SPON1: variants seen among roughly 807,000 people sequenced by gnomAD.
SPON1 encodes spondin-1.
A neutral mutation model predicts 111.7 loss-of-function variants in SPON1; 52 were observed. The observed-to-expected ratio is 0.47, with a 90% CI of 0.37 to 0.59. SPON1 has a LOEUF of 0.59. Ranked by LOEUF, SPON1 falls within the 20% of genes least tolerant of loss-of-function variation. The pLI is 0.00. For synonymous variants in SPON1, 410 were observed against 395.8 expected (o/e 1.04, Z -0.43); for missense variants, 957 against 1,068.5 (o/e 0.90, Z 1.46).
intron 13 of SPON1, among the ~76,000 whole-genome samples, chr11:14,260,318 T>C (rs1181261755): frequency 6.6e-6 from 1 of 152,288 alleles, no homozygotes; most frequent in South Asian, 2.1e-4. Flanking sequence ...GTGGCCTTTC[T>C]AGTGGGGACT....
chr11:14,139,722 A>ATT (rs1420290993), intron 6 of SPON1, among the ~76,000 whole-genome samples: 3 of 150,982 alleles, frequency 2.0e-5, no homozygotes, highest in African/African-American at 7.3e-5. Context: ...ATATATATAT[A>ATT]TATTTAAGTG....
chr11:14,153,379 G>T (rs1847809073), intron 6 of SPON1, among the ~76,000 whole-genome samples: 1 of 152,136 alleles, frequency 6.6e-6, no homozygotes, highest in South Asian at 2.1e-4. Flanking sequence ...ACCTCAGGAA[G>T]CTTGCAATCA....
chr11:14,207,457 G>T (rs1177822776), intron 6 of SPON1, among the ~76,000 whole-genome samples: 1 of 152,064 alleles, frequency 6.6e-6, no homozygotes, highest in Admixed American at 6.6e-5. Context: ...TTTGCAAACT[G>T]TGCATCCAAC....
intron 3 of SPON1, among the ~76,000 whole-genome samples, chr11:14,052,395 G>T (rs1848714295): frequency 6.6e-6 from 1 of 152,206 alleles, no homozygotes; most frequent in Non-Finnish European, 1.5e-5. Context: ...AGGATCTGAT[G>T]TGGCTGGGGC....
At chr11:14,210,227 T>C (rs1848560889) in intron 6 of SPON1, among the ~76,000 whole-genome samples, 1 of 152,204 alleles carries the variant, frequency 6.6e-6, no homozygotes, top group Non-Finnish European at 1.5e-5. Context: ...TTCACTCTGA[T>C]GGTAGTTTCT....
At chr11:13,985,026 C>G (rs1848171753) in intron 2 of SPON1, among the ~76,000 whole-genome samples, 1 of 152,196 alleles carries the variant, frequency 6.6e-6, no homozygotes, top group South Asian at 2.1e-4. Flanking sequence ...TCAGCAACAC[C>G]TGGGAACTTG....
intron 2 of SPON1, among the ~76,000 whole-genome samples, chr11:14,035,855 C>T (rs531151010): frequency 1.3e-5 from 2 of 152,212 alleles, no homozygotes; most frequent in African/African-American, 2.4e-5. Flanking sequence ...TAAGCTCAAG[C>T]AATCCTCTTG....
chr11:14,016,190 C>T (rs1211923322), intron 2 of SPON1, among the ~76,000 whole-genome samples: 1 of 152,218 alleles, frequency 6.6e-6, no homozygotes, highest in African/African-American at 2.4e-5. Flanking sequence ...CCTTTCTTTC[C>T]TTCCTTTCTC....
At chr11:14,173,325 C>T (rs1554932722) in intron 6 of SPON1, among the ~76,000 whole-genome samples, 1 of 152,218 alleles carries the variant, frequency 6.6e-6, no homozygotes, top group African/African-American at 2.4e-5. Context: ...AGTTCTAGTG[C>T]CATGGTTTTC....
chr11:14,085,354 T>C (rs1207698865), intron 5 of SPON1, among the ~76,000 whole-genome samples: 4 of 152,362 alleles, frequency 2.6e-5, no homozygotes, highest in Admixed American at 6.5e-5. Context: ...CAGTTTCTGT[T>C]TTATGCATAT....
chr11:13,976,052 G>C (rs571634652), intron 1 of SPON1, among the ~76,000 whole-genome samples: 1 of 151,944 alleles, frequency 6.6e-6, no homozygotes, highest in East Asian at 1.9e-4. Flanking sequence ...TTAACTCTAC[G>C]TTCCTATAAG....
intron 5 of SPON1, among the ~76,000 whole-genome samples, chr11:14,112,016 C>T (rs1040728858): frequency 5.3e-5 from 8 of 150,856 alleles, no homozygotes; most frequent in African/African-American, 2.0e-4. Context: ...CCAGAGACAC[C>T]GAGAACCTGA....
intron 3 of SPON1, among the ~76,000 whole-genome samples, chr11:14,043,517 T>C (rs1236333101): frequency 3.3e-5 from 5 of 152,196 alleles, no homozygotes; most frequent in African/African-American, 1.2e-4. Flanking sequence ...AACCTTGCTA[T>C]TGTCTGTTAG....
chr11:14,212,339 A>G (rs1263365006), intron 6 of SPON1, among the ~76,000 whole-genome samples: 3 of 152,190 alleles, frequency 2.0e-5, no homozygotes, highest in African/African-American at 7.2e-5. Flanking sequence ...TACTGCTTTA[A>G]TAGGGTTTCC....
rs1441595394 is a variant in SPON1, at chr11:13,962,927, T to C, written c.23T>C (p.Leu8Pro). The C allele has an allele frequency of 1.3e-6, 2 of 1,560,912 alleles. No homozygotes were observed. Among genetic ancestry groups the C allele is most frequent in the Non-Finnish European group, 1.7e-6 (2 of 1,157,190 alleles). The stretch of plus-strand genomic sequence containing the variant: ...AAGATGAGGCTGTCCCCGGCGCCCC[T>C]GAAGCTGAGCCGGACTCCGGCACTG... MRLSPAPLKLSRTPALLA... is the reference protein window; with the variant it reads MRLSPAPPKLSRTPALLA... The change falls in exon 1 of 16, where the codon CTG (leucine) becomes CCG (proline). Residue 8 changes from leucine (L) to proline (P), a missense_variant. Physicochemically the swap from Leu to Pro is moderately conservative, Grantham distance 98. Around this residue, in one of 5 missense-constraint regions of SPON1, gnomAD observed 262 missense variants for 253.9 expected, o/e 1.03. Transcript: ENST00000576479.
intron 6 of SPON1, among the ~76,000 whole-genome samples, chr11:14,144,178 A>G (rs1847692209): frequency 6.6e-6 from 1 of 152,218 alleles, no homozygotes; most frequent in Admixed American, 6.5e-5. Flanking sequence ...CAACAAAAAA[A>G]TTAAATTGGA....
At chr11:13,988,807 T>C (rs542098417) in intron 2 of SPON1, among the ~76,000 whole-genome samples, 6 of 152,092 alleles carry the variant, frequency 3.9e-5, no homozygotes, top group Non-Finnish European at 5.9e-5. Context: ...TGAGATAATC[T>C]TGTGTTTTTT....
In SPON1 at chr11:14,264,131, T is replaced by C. The variant is rs181767261; in HGVS notation, c.2260+1156T>C. On this transcript the variant is annotated intron_variant, in intron 15 of 15. Coordinates refer to ENST00000576479, the MANE Select transcript of SPON1 (RefSeq NM_006108.4). ...GACCATGATAGGTCCAAGTGATAGG[T>C]CCAAGTGATAAATGGGATGCAGATG... Among the ~76,000 whole-genome samples, 184 of 151,528 alleles carry C rather than the reference T, an allele frequency of 1.2e-3. 1 individual carries two copies. Among genetic ancestry groups the C allele is most frequent in the Non-Finnish European group, 2.1e-3 (143 of 67,928 alleles).
intron 6 of SPON1, among the ~76,000 whole-genome samples, chr11:14,211,126 C>T (rs940663347): frequency 6.6e-6 from 1 of 151,766 alleles, no homozygotes; most frequent in Non-Finnish European, 1.5e-5. Context: ...GAAGTTCTGG[C>T]CAGGGCAATC....
Sources: gnomAD v4.1 joint callset for allele counts (sites outside exome capture counted in the v4.1 genomes callset) on GRCh38, gnomAD v4.1.1 for gene constraint, gnomAD v4.1.1 regional missense constraint, MANE v1.5 for transcripts, NCBI Gene and HGNC (gene_info 2026-07-23, HGNC 2026-07-21) for gene names.